ASIC2: variants seen among roughly 807,000 people sequenced by gnomAD.
ASIC2 encodes acid sensing ion channel subunit 2, also known as acid-sensing ion channel 2.
In ASIC2, 25 loss-of-function variants were observed where a neutral mutation model predicts 57.3. The observed-to-expected ratio is 0.44, with a 90% CI of 0.32 to 0.61. The LOEUF (loss-of-function observed/expected upper bound fraction) is 0.61. Among genes scored for constraint, ASIC2 ranks in the 20% least tolerant of loss-of-function variants. ASIC2 has a pLI of 0.06. For synonymous variants in ASIC2, 319 were observed against 307.5 expected (o/e 1.04, Z -0.39); for missense variants, 641 against 738.1 (o/e 0.87, Z 1.52).
intron 1 of ASIC2, among the ~76,000 whole-genome samples, chr17:33,929,774 C>G (rs1204056717): frequency 6.6e-6 from 1 of 152,168 alleles, no homozygotes; most frequent in African/African-American, 2.4e-5. Flanking sequence ...TTCACCTTAG[C>G]CAAAATAGCC....
chr17:33,577,104 A>C (rs1916648545), intron 1 of ASIC2, among the ~76,000 whole-genome samples: 1 of 152,028 alleles, frequency 6.6e-6, no homozygotes. Context: ...TGGCCAGAAT[A>C]CCCAACTGCT....
intron 2 of ASIC2, among the ~76,000 whole-genome samples, chr17:33,097,260 C>T (rs1455882654): frequency 6.6e-6 from 1 of 152,232 alleles, no homozygotes; most frequent in Non-Finnish European, 1.5e-5. Context: ...ACAATCTTGG[C>T]ACATGTACGG....
At chr17:33,380,265 A>AAAAAAG (rs1909437820) in intron 1 of ASIC2, among the ~76,000 whole-genome samples, 1 of 130,176 alleles carries the variant, frequency 7.7e-6, no homozygotes. Context: ...AAAAAAAAAA[A>AAAAAAG]AAAGAAAGAA....
intron 1 of ASIC2, among the ~76,000 whole-genome samples, chr17:33,804,881 ATC>A (rs972989591): frequency 6.8e-6 from 1 of 147,958 alleles, no homozygotes; most frequent in Admixed American, 6.7e-5. Context: ...TTTGTTTTTG[ATC>A]TCTCTTTTTT....
chr17:33,563,962 C>T (rs1274116431), intron 1 of ASIC2, among the ~76,000 whole-genome samples: 1 of 152,066 alleles, frequency 6.6e-6, no homozygotes, highest in Non-Finnish European at 1.5e-5. Context: ...CTCTGGTACT[C>T]GAATATTTCT....
chr17:33,823,835 G>A (rs990903065), intron 1 of ASIC2, among the ~76,000 whole-genome samples: 3 of 152,142 alleles, frequency 2.0e-5, no homozygotes, highest in African/African-American at 7.2e-5. Flanking sequence ...CCATGCCCAT[G>A]TTTTGGTGTT....
chr17:33,279,724 T>C (rs189038080), intron 1 of ASIC2, among the ~76,000 whole-genome samples: 10 of 152,288 alleles, frequency 6.6e-5, no homozygotes, highest in Non-Finnish European at 7.4e-5. Context: ...CCCAACTCTA[T>C]AATTTTTTTA....
At chr17:33,642,504 G>T (rs115465725) in intron 1 of ASIC2, among the ~76,000 whole-genome samples, 1 of 152,274 alleles carries the variant, frequency 6.6e-6, no homozygotes, top group African/African-American at 2.4e-5. Context: ...CCTTGTAAGG[G>T]TTGCAAAAAT....
chr17:33,993,525 G>A (rs1391671012), intron 1 of ASIC2, among the ~76,000 whole-genome samples: 3 of 152,208 alleles, frequency 2.0e-5, no homozygotes, highest in Non-Finnish European at 4.4e-5. Context: ...GCTTTTGCCA[G>A]TGTGTCTGGC....
chr17:33,108,777 G>A (rs978123998), intron 2 of ASIC2, among the ~76,000 whole-genome samples: 5 of 152,180 alleles, frequency 3.3e-5, no homozygotes, highest in African/African-American at 1.2e-4. Flanking sequence ...TGGGGGAAGT[G>A]ACAAAACCTC....
chr17:33,892,383 G>A (rs536502182), intron 1 of ASIC2, among the ~76,000 whole-genome samples: 92 of 152,284 alleles, frequency 6.0e-4, no homozygotes, highest in South Asian at 1.5e-3. Flanking sequence ...ATCCCAGACA[G>A]AGTAGATAGC....
intron 1 of ASIC2, chr17:33,529,744 A>G (rs1914992585): frequency 6.6e-6 from 1 of 152,232 alleles, no homozygotes; most frequent in Non-Finnish European, 1.5e-5. Flanking sequence ...TTCTCAATAG[A>G]CACACGTGGT....
chr17:33,314,330 C>T (rs1906554068), intron 1 of ASIC2, among the ~76,000 whole-genome samples: 1 of 152,186 alleles, frequency 6.6e-6, no homozygotes, highest in Admixed American at 6.5e-5. Context: ...TGGGGACTCC[C>T]TAAGTGCTAT....
At chr17:33,549,493 C>T (rs2141975542) in intron 1 of ASIC2, among the ~76,000 whole-genome samples, 1 of 152,242 alleles carries the variant, frequency 6.6e-6, no homozygotes, top group South Asian at 2.1e-4. Context: ...CACCTCCTCT[C>T]TTAATTTTTT....
At chr17:33,509,503 G>C (rs956965375) in intron 1 of ASIC2, among the ~76,000 whole-genome samples, 9 of 152,100 alleles carry the variant, frequency 5.9e-5, no homozygotes, top group Admixed American at 2.6e-4. Context: ...CACACTGCTC[G>C]CTAACAGACT....
intron 1 of ASIC2, among the ~76,000 whole-genome samples, chr17:33,615,771 C>T (rs1389467922): frequency 6.6e-6 from 1 of 152,180 alleles, no homozygotes; most frequent in Non-Finnish European, 1.5e-5. Flanking sequence ...AACAATGACA[C>T]TAAACTGTAA....
chr17:33,275,014 A>C (rs12450603), intron 1 of ASIC2, among the ~76,000 whole-genome samples: 51,013 of 151,944 alleles, frequency 0.34, 8,721 homozygotes, highest in Admixed American at 0.41. Flanking sequence ...TCCTCACCAG[A>C]ACCTCATGCC....
chr17:33,260,180 G>A lies in ASIC2; in HGVS notation c.708+31228C>T, dbSNP rs115522537. ...AGAGGGAGAAATGAGCTGCCCCAGTGAACACAGGCAGGGGCAGATCTGTGG... is the reference window on the plus strand; with the variant it reads ...AGAGGGAGAAATGAGCTGCCCCAGTAAACACAGGCAGGGGCAGATCTGTGG... On this transcript the variant is annotated intron_variant, in intron 1 of 9. Transcript: ENST00000225823. Among the ~76,000 whole-genome samples, 959 of 152,330 alleles carry A rather than the reference G, an allele frequency of 6.3e-3. 8 individuals carry two copies. Among genetic ancestry groups the A allele is most frequent in the African/African-American group, 0.022 (918 of 41,578 alleles).
intron 1 of ASIC2, among the ~76,000 whole-genome samples, chr17:33,146,225 G>T (rs1904557011): frequency 6.6e-6 from 1 of 152,192 alleles, no homozygotes; most frequent in Non-Finnish European, 1.5e-5. Context: ...CCACCCACAG[G>T]ACAGTTGAAT....
Sources: gnomAD v4.1 joint callset for allele counts (sites outside exome capture counted in the v4.1 genomes callset) on GRCh38, gnomAD v4.1.1 for gene constraint, MANE v1.5 for transcripts, NCBI Gene and HGNC (gene_info 2026-07-23, HGNC 2026-07-21) for gene names.